The following ELAC2 variants were observed in gnomAD, a reference collection of about 807,000 sequenced individuals.
ELAC2 encodes zinc phosphodiesterase ELAC protein 2.
ELAC2 carries 92 observed loss-of-function variants against 105.2 expected under a neutral mutation model. The ratio of observed to expected loss-of-function variants is 0.87; its 90% CI spans 0.74 to 1.04. ELAC2 has a LOEUF of 1.04. Ranked by LOEUF, ELAC2 falls within the 50% of genes least tolerant of loss-of-function variation. The pLI, the probability that ELAC2 is intolerant of heterozygous loss-of-function variation, is 0.00. For missense variants in ELAC2, 1,099 were observed against 1,071.7 expected, an observed-to-expected ratio of 1.03 and a Z score of -0.36; for synonymous variants, 468 against 409.1, an observed-to-expected ratio of 1.14 and a Z score of -1.74.
rs568297610 is a variant in ELAC2, at chr17:13,016,739, C to T, written c.367+123G>A. The stretch of plus-strand genomic sequence containing the variant: ...AGGTTGCAGTGAGCCAAGATCACGC[C>T]ACTGACAAAAAAAAAAAAAAAAAAA... On this transcript the variant is annotated intron_variant, in intron 3 of 23. Transcript: ENST00000338034. 2.1e-5 allele frequency: 19 copies of T among 916,006 alleles called. No individual in the cohort carries two copies. The African/African-American group carries it at 2.7e-4, about 13-fold the overall frequency. The allele number at this position is 916,006 out of a possible 1,614,324, so 56.7% of individuals were successfully genotyped here.
At chr17:12,993,981 C>A in intron 22 of ELAC2, 150 bp from the exon 23 acceptor site, 3 of 1,080,792 alleles carry the variant, frequency 2.8e-6, no homozygotes, top group South Asian at 2.7e-5. Context: ...AGCACAATCT[C>A]CCCTGAGGGC....
rs200249647 is a variant in ELAC2, at chr17:12,992,783, C to T, written c.*35G>A. The T allele has an allele frequency of 7.4e-6, 12 of 1,611,402 alleles. No homozygotes were observed. In the African/African-American group the frequency reaches 8.0e-5, roughly 11 times the overall value. On this transcript the variant is annotated 3_prime_UTR_variant, in exon 24 of 24. Coordinates refer to ENST00000338034, the MANE Select transcript of ELAC2 (RefSeq NM_018127.7). ...ACGGGTGCGTGCGTGGGGCAGAAGA[C>T]ACACAGCCTTCTGAGTTCAGGGTCT...
chr17:13,015,686 T>C, intron 4 of ELAC2, 82 bp downstream of exon 4: 2 of 1,223,904 alleles, frequency 1.6e-6, no homozygotes, highest in South Asian at 2.4e-5. Context: ...GGCAGAAGAC[T>C]GATTTGCAAA....
At position 12,993,600 on chromosome 17, in the gene ELAC2, A is replaced by G. The variant is rs377263069; in HGVS notation, c.2253+87T>C. ...CCACGGTGGCCCCAAATAAGAAAGC[A>G]AACTCCAGCTGACCGTCCTACTCAG... On this transcript the variant is annotated intron_variant, in intron 23 of 23. Transcript: ENST00000338034. 2.6e-5 allele frequency: 41 copies of G among 1,595,272 alleles called. No homozygotes were observed. The Admixed American group carries it at 4.9e-4, about 19-fold the overall frequency.
At chr17:13,015,076 C>T (rs931109279) in intron 4 of ELAC2, among the ~76,000 whole-genome samples, 2 of 152,118 alleles carry the variant, frequency 1.3e-5, no homozygotes, top group South Asian at 2.1e-4. Flanking sequence ...GATTGTATTG[C>T]AATGGGGAGC....
chr17:13,017,499 A>G, intron 1 of ELAC2: 8 of 1,106,032 alleles, frequency 7.2e-6, no homozygotes, highest in Non-Finnish European at 1.0e-5. Context: ...GCTCAGACCC[A>G]GGCCTGAAGT....
intron 8 of ELAC2, among the ~76,000 whole-genome samples, chr17:13,007,283 T>A (rs191071501): frequency 7.1e-4 from 108 of 152,306 alleles, no homozygotes; most frequent in Admixed American, 3.5e-3. Flanking sequence ...GACATTTGAT[T>A]TCCATTTTCT....
At position 13,003,511 on chromosome 17, in the gene ELAC2, A is replaced by G; in HGVS notation, c.1047T>C (p.Leu349=). The G allele has an allele frequency of 1.2e-6, 2 of 1,614,164 alleles. No individual in the cohort carries two copies. The highest frequency in any genetic ancestry group is 1.7e-6 in the Non-Finnish European group (2 of 1,180,030). ...TCCACTGCTGGTACCTGCTGTCCAC[A>G]AGCACAGATGCTGGGGCCATGTGAA... ...LVVHMAPASV[L]VDSRYQQWME... is the part of the protein sequence containing the mutation. The change falls in exon 12 of 24, where the codon CTT becomes CTC. Residue 349 remains leucine (L), a synonymous_variant. Transcript: ENST00000338034.
chr17:13,011,724 C>T lies in ELAC2; in HGVS notation c.618G>A (p.Arg206=), dbSNP rs866829644. The change falls in exon 7 of 24, where the codon AGG becomes AGA. Residue 206 remains arginine, a synonymous_variant. Transcript: ENST00000338034. ...AGTCTGAAGATCGCTCTGGACTGAG[C>T]CTGCTGAGAGGCCTTTCTGGACTCT... ...PWQSPERPLS[R]LSPERSSDSE... is the part of the protein sequence containing the mutation. The T allele has an allele frequency of 1.2e-6, 2 of 1,614,154 alleles. No homozygotes were observed. Among genetic ancestry groups the T allele is most frequent in the Non-Finnish European group, 1.7e-6 (2 of 1,180,022 alleles).
intron 8 of ELAC2, among the ~76,000 whole-genome samples, chr17:13,009,726 C>T (rs1352731011): frequency 6.6e-6 from 1 of 152,236 alleles, no homozygotes; most frequent in East Asian, 1.9e-4. Context: ...CACAGTGCTT[C>T]ACGCCTGTAA....
chr17:12,991,701 T>A lies in ELAC2; in HGVS notation c.*1117A>T, dbSNP rs1027745629. The A allele has an allele frequency of 9.5e-6, 2 of 209,532 alleles. No homozygotes were observed. The highest frequency in any genetic ancestry group is 4.5e-5 in the African/African-American group (2 of 43,958). 13.0% of individuals were successfully genotyped at this position (209,532 alleles called of 1,614,324 possible). On this transcript the variant is annotated 3_prime_UTR_variant, in exon 24 of 24. Coordinates refer to ENST00000338034, the MANE Select transcript of ELAC2 (RefSeq NM_018127.7). ...CGGGGACATGGCCGTCAATCTCAAA[T>A]GCACACCGGGATGGAGCCTGAAGGT...
At chr17:13,008,815 C>T (rs566721077) in intron 8 of ELAC2, among the ~76,000 whole-genome samples, 17 of 152,154 alleles carry the variant, frequency 1.1e-4, no homozygotes, top group Admixed American at 2.0e-4. Flanking sequence ...AGGGGAAAGG[C>T]GTTATAGGCT....
chr17:13,008,166 C>T (rs2041213626), intron 8 of ELAC2, among the ~76,000 whole-genome samples: 1 of 152,056 alleles, frequency 6.6e-6, no homozygotes, highest in South Asian at 2.1e-4. Flanking sequence ...CAACACTGCA[C>T]TCCAGCCTGG....
At chr17:12,997,199 C>A (rs533159355) in intron 16 of ELAC2, among the ~76,000 whole-genome samples, 1 of 152,148 alleles carries the variant, frequency 6.6e-6, no homozygotes, top group African/African-American at 2.4e-5. Flanking sequence ...AGCCAGTTAA[C>A]GCAGACTCCC....
At chr17:13,013,827 AC>A (rs1229347893) in intron 5 of ELAC2, among the ~76,000 whole-genome samples, 2 of 151,752 alleles carry the variant, frequency 1.3e-5, no homozygotes, top group Non-Finnish European at 2.9e-5. Context: ...AACCCTTGTC[AC>A]CCCCGCCCCC....
At position 13,017,866 on chromosome 17, in the gene ELAC2, G is replaced by C; in HGVS notation, c.82C>G (p.Arg28Gly). 6.4e-7 allele frequency: 1 copy of C among 1,554,632 alleles called. No individual in the cohort carries two copies. The highest frequency in any genetic ancestry group is 2.4e-5 in the East Asian group (1 of 41,718). ...QGRTISQAPARRERPRKDPLR... is the reference protein window; with the variant it reads ...QGRTISQAPAGRERPRKDPLR... The stretch of plus-strand genomic sequence containing the variant: ...GGGTCCTTGCGCGGCCGCTCGCGGC[G>C]GGCGGGTGCCTGCGATATGGTGCGT... The change falls in exon 1 of 24, where the codon CGC becomes GGC. Residue 28 changes from arginine to glycine, a missense_variant. Transcript: ENST00000338034.
intron 16 of ELAC2, among the ~76,000 whole-genome samples, chr17:12,997,970 G>C (rs1489066872): frequency 5.3e-5 from 8 of 152,072 alleles, no homozygotes; most frequent in Admixed American, 5.2e-4. Flanking sequence ...AAATGGCTGG[G>C]GGACAATACC....
intron 17 of ELAC2, chr17:12,996,295 T>G: frequency 3.1e-6 from 2 of 649,028 alleles, no homozygotes; most frequent in South Asian, 1.9e-5. Flanking sequence ...CGTGTGAGAT[T>G]CAAGACTCAA....
At chr17:12,993,636 C>T in intron 23 of ELAC2, 51 bp downstream of exon 23, 2 of 1,613,030 alleles carry the variant, frequency 1.2e-6, no homozygotes, top group Non-Finnish European at 8.5e-7. Flanking sequence ...TGTGTAGAGT[C>T]CTGTCTCCCT....
Sources: allele counts gnomAD v4.1 joint callset (sites outside exome capture counted in the v4.1 genomes callset), GRCh38; gene constraint gnomAD v4.1.1; transcripts MANE v1.5; gene names NCBI Gene and HGNC (gene_info 2026-07-23, HGNC 2026-07-21).